FOXP1: variants seen among roughly 807,000 people sequenced by gnomAD.
FOXP1 encodes the protein forkhead box protein P1.
Under a neutral mutation model 98.2 loss-of-function variants are expected in FOXP1, and 15 were observed. That is an observed-to-expected ratio of 0.15 (90% CI 0.10 to 0.24). The LOEUF is 0.24. FOXP1 is among the 10% of genes least tolerant of loss of function. FOXP1 has a pLI of 1.00. For synonymous variants in FOXP1, 371 were observed against 314.5 expected, an observed-to-expected ratio of 1.18 and a Z score of -1.90; for missense variants, 633 against 848.5, an observed-to-expected ratio of 0.75 and a Z score of 3.15.
intron 7 of FOXP1, among the ~76,000 whole-genome samples, chr3:71,056,564 G>A (rs554218154): frequency 3.9e-5 from 6 of 152,222 alleles, no homozygotes; most frequent in South Asian, 2.1e-4. Flanking sequence ...TCCTCCAAAC[G>A]GGCTGATCAC....
chr3:71,187,403 T>C (rs2062714094), intron 6 of FOXP1, among the ~76,000 whole-genome samples: 1 of 152,064 alleles, frequency 6.6e-6, no homozygotes, highest in South Asian at 2.1e-4. Flanking sequence ...TTGGACAACA[T>C]GGTGAAACCC....
intron 4 of FOXP1, among the ~76,000 whole-genome samples, chr3:71,356,213 C>CAAAA (rs3064928): frequency 1.3e-5 from 1 of 75,330 alleles, no homozygotes; most frequent in Non-Finnish European, 2.8e-5. Flanking sequence ...CTGACTAAGT[C>CAAAA]AAAAAAAAAA....
chr3:71,473,698 C>A (rs924031464), intron 3 of FOXP1, among the ~76,000 whole-genome samples: 1 of 149,940 alleles, frequency 6.7e-6, no homozygotes, highest in Non-Finnish European at 1.5e-5. Flanking sequence ...CATAGTTAAC[C>A]AAATTATGGT....
chr3:71,567,618 G>T (rs757461284), intron 2 of FOXP1, among the ~76,000 whole-genome samples: 3 of 152,174 alleles, frequency 2.0e-5, no homozygotes, highest in Non-Finnish European at 2.9e-5. Flanking sequence ...CAATGCAGTG[G>T]TACCGCACGT....
chr3:71,190,638 CAAAAAAAAAAAAA>C (rs55747148), intron 6 of FOXP1, among the ~76,000 whole-genome samples: 11 of 43,498 alleles, frequency 2.5e-4, no homozygotes, highest in African/African-American at 8.6e-4. Flanking sequence ...ACCCCATCTC[CAAAAAAAAAAAAA>C]AAAAAAAAAA....
At chr3:71,429,201 C>T (rs183270703) in intron 3 of FOXP1, among the ~76,000 whole-genome samples, 1 of 152,024 alleles carries the variant, frequency 6.6e-6, no homozygotes, top group Non-Finnish European at 1.5e-5. Context: ...GTGGGGGCAA[C>T]CAGACCAAGG....
chr3:71,326,395 A>G (rs1038082541), intron 4 of FOXP1, among the ~76,000 whole-genome samples: 1 of 152,230 alleles, frequency 6.6e-6, no homozygotes, highest in Non-Finnish European at 1.5e-5. Flanking sequence ...TCCAATAATC[A>G]TCGTAATAAA....
At position 71,064,868 on chromosome 3, in the gene FOXP1, G is replaced by C. The variant is rs2052173000; in HGVS notation, c.283-11095C>G. 4 of 973,312 alleles carry C rather than the reference G, an allele frequency of 4.1e-6. No individual in the cohort carries two copies. The African/African-American group carries it at 7.1e-5, about 17-fold the overall frequency. 60.3% of individuals were successfully genotyped at this position (973,312 alleles called of 1,614,324 possible). On this transcript the variant is annotated intron_variant, in intron 7 of 20. Coordinates refer to ENST00000649528, the MANE Select transcript of FOXP1 (RefSeq NM_001349338.3). ...CGCCAGGCGCGCGGAGCCGGGCTCG[G>C]GGCGCCCGCGCGGGCCGGGCGTGGG...
chr3:71,316,097 A>G (rs1400395545), intron 4 of FOXP1, among the ~76,000 whole-genome samples: 1 of 152,174 alleles, frequency 6.6e-6, no homozygotes, highest in African/African-American at 2.4e-5. Context: ...TATCTCATCT[A>G]GGATTTGGGA....
Position 70,956,732 on chromosome 3 carries a change from GTTTTTTTTTTTTTTTTT to G in FOXP1, c.*2498_*2514del, listed in dbSNP as rs142956636. 468 of 32,816 alleles carry G rather than the reference GTTTTTTTTTTTTTTTTT, an allele frequency of 0.014. 4 individuals are homozygous for G. Among genetic ancestry groups the G allele is most frequent in the East Asian group, 0.022 (29 of 1,336 alleles). 2.0% of individuals were successfully genotyped at this position (32,816 alleles called of 1,614,324 possible). ...GCACATCATGAAGCTGCCTGGAAAA[GTTTTTTTTTTTTTTTTT>G]TTTTTTTTTTTTTTTTTTTTTTTTA... On this transcript the variant is annotated 3_prime_UTR_variant, in exon 21 of 21. Coordinates refer to ENST00000649528, the MANE Select transcript of FOXP1 (RefSeq NM_001349338.3).
At chr3:70,972,471 CA>C (rs2036472454) in intron 18 of FOXP1, 83 bp downstream of exon 18, 1 of 1,578,766 alleles carries the variant, frequency 6.3e-7, no homozygotes, top group Admixed American at 1.7e-5. Flanking sequence ...TTTGGTCTAA[CA>C]CCATCTAGCA....
intron 2 of FOXP1, among the ~76,000 whole-genome samples, chr3:71,518,122 G>GTT (rs201435436): frequency 1.8e-4 from 27 of 150,952 alleles, no homozygotes; most frequent in Admixed American, 2.0e-4. Flanking sequence ...ATTTGACAGT[G>GTT]TTTTTTTTTG....
At chr3:71,180,138 C>T (rs1011085640) in intron 6 of FOXP1, among the ~76,000 whole-genome samples, 3 of 152,010 alleles carry the variant, frequency 2.0e-5, no homozygotes, top group Admixed American at 6.6e-5. Flanking sequence ...ACTCAGAAAT[C>T]GGAAGACCTT....
At chr3:71,535,698 T>C (rs578048183) in intron 2 of FOXP1, among the ~76,000 whole-genome samples, 127 of 152,284 alleles carry the variant, frequency 8.3e-4, no homozygotes, top group African/African-American at 2.9e-3. Flanking sequence ...CACTCCAGAC[T>C]GGGTGACAGA....
rs114319475 is a variant in FOXP1 at position 71,278,843 on chromosome 3, G to A, written c.-12+20977C>T. ...TACCAATTAAATAATACCCAGCCGC[G>A]CCTTCATGAATCTCTTAGAGGCCTT... On this transcript the variant is annotated intron_variant, in intron 5 of 20. Transcript: ENST00000649528. Among the ~76,000 whole-genome samples, 664 of 151,944 alleles carry A rather than the reference G, an allele frequency of 4.4e-3. 6 individuals carry two copies. The highest frequency in any genetic ancestry group is 0.015 in the African/African-American group (637 of 41,460).
chr3:71,194,901 G>A (rs937897755), intron 6 of FOXP1, among the ~76,000 whole-genome samples: 21 of 152,240 alleles, frequency 1.4e-4, no homozygotes, highest in African/African-American at 4.6e-4. Context: ...GTGTGTTGGC[G>A]GGCTCTACCA....
chr3:71,113,824 A>C (rs1390474028), intron 6 of FOXP1, among the ~76,000 whole-genome samples: 2 of 152,140 alleles, frequency 1.3e-5, no homozygotes, highest in East Asian at 3.8e-4. Context: ...ATTCACTGCC[A>C]AAGAATTAAG....
intron 2 of FOXP1, among the ~76,000 whole-genome samples, chr3:71,518,393 G>A (rs2107414247): frequency 6.6e-6 from 1 of 152,288 alleles, no homozygotes; most frequent in South Asian, 2.1e-4. Flanking sequence ...CACCAAGAAA[G>A]ATAAAAGAAT....
intron 7 of FOXP1, among the ~76,000 whole-genome samples, chr3:71,057,347 C>G (rs1373525502): frequency 3.4e-5 from 3 of 88,018 alleles, no homozygotes; most frequent in African/African-American, 1.2e-4. Context: ...TGCCTTCTAC[C>G]TTAACCTCCT....
Sources: gnomAD v4.1 joint callset for allele counts (sites outside exome capture counted in the v4.1 genomes callset) on GRCh38, gnomAD v4.1.1 for gene constraint, MANE v1.5 for transcripts, NCBI Gene and HGNC (gene_info 2026-07-23, HGNC 2026-07-21) for gene names.